DMXL2: variants seen among roughly 807,000 people sequenced by gnomAD.
DMXL2 encodes the protein Dmx like 2, also known as dmX-like protein 2.
A neutral mutation model predicts 331.1 loss-of-function variants in DMXL2; 103 were observed. The ratio of observed to expected loss-of-function variants is 0.31; its 90% CI spans 0.27 to 0.37. DMXL2 has a LOEUF of 0.37. Ranked by LOEUF, DMXL2 falls within the 10% of genes least tolerant of loss-of-function variation. The pLI is 1.00. For missense variants in DMXL2, 3,171 were observed against 3,642.9 expected, an observed-to-expected ratio of 0.87 and a Z score of 3.33; for synonymous variants, 1,281 against 1,252.1, an observed-to-expected ratio of 1.02 and a Z score of -0.49.
At chr15:51,577,623 T>C (rs2051136623) in intron 1 of DMXL2, among the ~76,000 whole-genome samples, 1 of 152,204 alleles carries the variant, frequency 6.6e-6, no homozygotes, top group Non-Finnish European at 1.5e-5. Flanking sequence ...AAGAAATGTT[T>C]GGATCACCAT....
intron 6 of DMXL2, among the ~76,000 whole-genome samples, chr15:51,559,827 G>C (rs2049841461): frequency 6.6e-6 from 1 of 152,178 alleles, no homozygotes; most frequent in Admixed American, 6.5e-5. Flanking sequence ...GGAGCAACAG[G>C]AACTATTGTA....
At position 51,616,097 on chromosome 15, in the gene DMXL2, G is replaced by T. The variant is rs1299127206; in HGVS notation, c.87+6362C>A. Among the ~76,000 whole-genome samples the T allele has an allele frequency of 2.0e-5, 3 of 152,142 alleles. No individual in the cohort carries two copies. In the East Asian group the frequency reaches 5.8e-4, roughly 29 times the overall value. The stretch of plus-strand genomic sequence containing the variant: ...TATTACTCCCAAGGCTCAGTTTTTA[G>T]AAGACAGTGGACCTAAAGGAACATC... On this transcript the variant is annotated intron_variant, in intron 1 of 43. Transcript: ENST00000560891.
chr15:51,579,281 A>G (rs1043638456), intron 1 of DMXL2, among the ~76,000 whole-genome samples: 5 of 152,206 alleles, frequency 3.3e-5, no homozygotes, highest in African/African-American at 9.6e-5. Context: ...TACTGCTAGA[A>G]TGGAATCTCT....
At chr15:51,579,450 G>C (rs1453714303) in intron 1 of DMXL2, among the ~76,000 whole-genome samples, 1 of 152,102 alleles carries the variant, frequency 6.6e-6, no homozygotes, top group Admixed American at 6.5e-5. Context: ...AGATTTTAAT[G>C]GTTTTAAGGC....
intron 1 of DMXL2, among the ~76,000 whole-genome samples, chr15:51,582,400 T>C (rs772747088): frequency 6.6e-6 from 1 of 152,180 alleles, no homozygotes; most frequent in Non-Finnish European, 1.5e-5. Flanking sequence ...ATTTAAATTC[T>C]TCACTTCTGC....
chr15:51,464,076 T>G (rs1298046077), intron 32 of DMXL2, among the ~76,000 whole-genome samples: 1 of 152,200 alleles, frequency 6.6e-6, no homozygotes, highest in Non-Finnish European at 1.5e-5. Flanking sequence ...ATATAGATTG[T>G]TAGAAAAAAA....
chr15:51,531,629 C>T (rs571325869), intron 13 of DMXL2, among the ~76,000 whole-genome samples: 20 of 152,128 alleles, frequency 1.3e-4, no homozygotes, highest in Middle Eastern at 3.4e-3. Flanking sequence ...TCATCTGAAA[C>T]GGGATTAATA....
rs79491894 is a variant in DMXL2 at position 51,606,560 on chromosome 15, T to C, written c.87+15899A>G. 5.0e-3 allele frequency among the ~76,000 whole-genome samples: 759 copies of C among 152,306 alleles called. 5 individuals are homozygous for C. Among genetic ancestry groups the C allele is most frequent in the Non-Finnish European group, 8.6e-3 (583 of 68,030 alleles). On this transcript the variant is annotated intron_variant, in intron 1 of 43. Coordinates refer to ENST00000560891, the MANE Select transcript of DMXL2 (RefSeq NM_001378457.1). Reference sequence around the variant, plus strand: ...GTTTAGAAAATTTCAAGCCTTGCGCTTGAATTAATGTCTTCCCTAAACAGT... The same window carrying C: ...GTTTAGAAAATTTCAAGCCTTGCGCCTGAATTAATGTCTTCCCTAAACAGT...
intron 1 of DMXL2, among the ~76,000 whole-genome samples, chr15:51,596,713 C>T (rs1412430762): frequency 6.6e-6 from 1 of 152,172 alleles, no homozygotes; most frequent in Non-Finnish European, 1.5e-5. Flanking sequence ...AAATGTGGCA[C>T]ATATACACCA....
At chr15:51,510,508 G>A (rs1217805298) in intron 15 of DMXL2, among the ~76,000 whole-genome samples, 1 of 151,814 alleles carries the variant, frequency 6.6e-6, no homozygotes, top group Non-Finnish European at 1.5e-5. Context: ...CCCTCTTCAA[G>A]GAGAACTGCA....
At position 51,479,989 on chromosome 15, in the gene DMXL2, G is replaced by A; in HGVS notation, c.6715C>T (p.Gln2239Ter). 6.5e-7 allele frequency: 1 copy of A among 1,545,898 alleles called. No individual in the cohort carries two copies. The highest frequency in any genetic ancestry group is 1.2e-5 in the South Asian group (1 of 82,114). The change falls in exon 25 of 44, where the codon CAG becomes TAG. Residue 2239 changes from glutamine (Q) to a stop codon, truncating the protein, a stop_gained. Coordinates refer to ENST00000560891, the MANE Select transcript of DMXL2 (RefSeq NM_001378457.1). LOFTEE classifies it high-confidence loss of function. ...HIHDILYTIV[Q>*]MKTPPHPSIE... ...CTGGGATGAGGTGGTGTTTTCATCT[G>A]AACAATAGTATAAAGTATATCATGG...
chr15:51,538,341 A>G lies in DMXL2; in HGVS notation c.1217T>C (p.Val406Ala), dbSNP rs549139604. The G allele has an allele frequency of 2.5e-6, 4 of 1,613,864 alleles. No homozygotes were observed. In the East Asian group the frequency reaches 6.7e-5, roughly 27 times the overall value. Residue 406 changes from valine (V) to alanine (A), a missense_variant, in exon 10 of 44, where the codon GTA becomes GCA. Transcript: ENST00000560891. ...AAGTTTTCGTAATTGATGCATAAAT[A>G]CTTCTGTAGATGATGTAAAATGAAA... ...KEFHFTSSTEVFMHQLRKLSD... is the reference protein window; with the variant it reads ...KEFHFTSSTEAFMHQLRKLSD...
At chr15:51,458,920 AG>A in intron 34 of DMXL2, 125 bp from the exon 35 acceptor site, 2 of 807,386 alleles carry the variant, frequency 2.5e-6, no homozygotes, top group East Asian at 5.2e-5. Flanking sequence ...AGCAGCAGCA[AG>A]AAAAAAGGGT....
intron 36 of DMXL2, among the ~76,000 whole-genome samples, chr15:51,458,236 G>A (rs2039813425): frequency 6.6e-6 from 1 of 152,198 alleles, no homozygotes; most frequent in South Asian, 2.1e-4. Flanking sequence ...TAATTATCCA[G>A]ATCAGATTAA....
intron 16 of DMXL2, 25 bp from the exon 17 acceptor site, chr15:51,503,058 C>A: frequency 1.4e-6 from 2 of 1,449,742 alleles, no homozygotes; most frequent in Non-Finnish European, 1.9e-6. Flanking sequence ...TATAAAATTA[C>A]AAAATGTATG....
At chr15:51,534,185 G>A (rs2048158486) in intron 13 of DMXL2, among the ~76,000 whole-genome samples, 1 of 152,130 alleles carries the variant, frequency 6.6e-6, no homozygotes, top group African/African-American at 2.4e-5. Flanking sequence ...TGTATCTAAT[G>A]AGAGAGGTCA....
chr15:51,565,210 G>A (rs753038855), intron 3 of DMXL2, 44 bp from the exon 4 acceptor site: 7 of 1,323,734 alleles, frequency 5.3e-6, no homozygotes, highest in Non-Finnish European at 7.3e-6. Context: ...AGAAAAAGAT[G>A]TTTTTCAAAT....
rs371551660 is a variant in DMXL2 at position 51,498,532 on chromosome 15, T to C, written c.4672+20A>G. The C allele has an allele frequency of 1.3e-6, 2 of 1,589,678 alleles. No individual in the cohort carries two copies. Among genetic ancestry groups the C allele is most frequent in the Non-Finnish European group, 1.7e-6 (2 of 1,169,358 alleles). ...TTTCTATTAGGTACAACTTTATAAA[T>C]TTTTAGCGAGAATATTTACCTGAGC... On this transcript the variant is annotated intron_variant, in intron 18 of 43. Coordinates refer to ENST00000560891, the MANE Select transcript of DMXL2 (RefSeq NM_001378457.1).
In DMXL2 at chr15:51,542,430, G is replaced by C; in HGVS notation, c.1008C>G (p.Pro336=). Residue 336 remains proline, a synonymous_variant, in exon 9 of 44, where the codon CCC becomes CCG. Coordinates refer to ENST00000560891, the MANE Select transcript of DMXL2 (RefSeq NM_001378457.1). Reference sequence around the variant, plus strand: ...GAACTTCATGCATTGCTGTCTGGTCGGGCATTAATTCAGCATGAGTTACAA... The same window carrying C: ...GAACTTCATGCATTGCTGTCTGGTCCGGCATTAATTCAGCATGAGTTACAA... ...SVLVTHAELM[P]DQTAMHEVQR... is the part of the protein sequence containing the mutation. 4 of 1,613,632 alleles carry C rather than the reference G, an allele frequency of 2.5e-6. No homozygotes were observed. The highest frequency in any genetic ancestry group is 3.4e-6 in the Non-Finnish European group (4 of 1,179,756).
Sources: gnomAD v4.1 joint callset for allele counts (sites outside exome capture counted in the v4.1 genomes callset) on GRCh38, gnomAD v4.1.1 for gene constraint, MANE v1.5 for transcripts, NCBI Gene and HGNC (gene_info 2026-07-23, HGNC 2026-07-21) for gene names.